RELN: variants seen among roughly 807,000 people sequenced by gnomAD.
RELN encodes the protein reelin.
RELN carries 108 observed loss-of-function variants against 427.6 expected under a neutral mutation model. That is an observed-to-expected ratio of 0.25 (90% CI 0.22 to 0.30). RELN has a LOEUF of 0.30. Ranked by LOEUF, RELN falls within the 10% of genes least tolerant of loss-of-function variation. RELN has a pLI of 1.00. For missense variants in RELN, 3,715 were observed against 4,302.8 expected (o/e 0.86, Z 3.82); for synonymous variants, 1,524 against 1,513.4 (o/e 1.01, Z -0.16).
chr7:103,938,283 G>A (rs775595461), intron 1 of RELN, among the ~76,000 whole-genome samples: 1 of 151,754 alleles, frequency 6.6e-6, no homozygotes, highest in Non-Finnish European at 1.5e-5. Context: ...TTGCGCCATT[G>A]CACTCCATCT....
intron 28 of RELN, among the ~76,000 whole-genome samples, chr7:103,580,276 C>T (rs1831100368): frequency 6.6e-6 from 1 of 152,212 alleles, no homozygotes; most frequent in Non-Finnish European, 1.5e-5. Flanking sequence ...AACAACAGCT[C>T]ATTTACTTGG....
chr7:103,638,067 TA>T (rs1321180511), intron 17 of RELN, among the ~76,000 whole-genome samples: 2 of 140,414 alleles, frequency 1.4e-5, no homozygotes, highest in African/African-American at 5.7e-5. Context: ...TTTTTAAAAA[TA>T]TTTTTTAAAA....
intron 4 of RELN, among the ~76,000 whole-genome samples, chr7:103,773,111 T>C (rs1235662837): frequency 4.4e-4 from 23 of 52,856 alleles, no homozygotes; most frequent in African/African-American, 1.3e-3. Context: ...TTTCTTTCTT[T>C]CTTTCTTTCT....
At chr7:103,586,667 G>A (rs1294262916) in intron 28 of RELN, among the ~76,000 whole-genome samples, 1 of 152,128 alleles carries the variant, frequency 6.6e-6, no homozygotes, top group African/African-American at 2.4e-5. Context: ...TCCTAGACTT[G>A]AAAAATGACT....
intron 11 of RELN, among the ~76,000 whole-genome samples, chr7:103,677,172 A>G (rs1447701233): frequency 6.6e-6 from 1 of 151,846 alleles, no homozygotes; most frequent in Non-Finnish European, 1.5e-5. Flanking sequence ...TCAGAAAACC[A>G]AACAGTGCAT....
chr7:103,670,070 A>AT (rs1833357086), intron 11 of RELN, among the ~76,000 whole-genome samples: 1 of 152,134 alleles, frequency 6.6e-6, no homozygotes, highest in Non-Finnish European at 1.5e-5. Context: ...AAAGAGTAAT[A>AT]TTTTTGTAAG....
Position 103,830,117 on chromosome 7 carries a change from C to T in RELN, c.473+3420G>A, listed in dbSNP as rs371290037. ...ATGCCATCAAATGTAAAATACAACCCTACTTCAGAGATGCCAAAAATGTAA... is the reference window on the plus strand; with the variant it reads ...ATGCCATCAAATGTAAAATACAACCTTACTTCAGAGATGCCAAAAATGTAA... On this transcript the variant is annotated intron_variant, in intron 3 of 64. Transcript: ENST00000428762. 6.0e-4 allele frequency among the ~76,000 whole-genome samples: 71 copies of T among 118,666 alleles called. 3 individuals carry two copies. Among genetic ancestry groups the T allele is most frequent in the African/African-American group, 1.7e-3 (65 of 39,308 alleles). 77.8% of individuals were successfully genotyped at this position (118,666 alleles called of 152,430 possible).
At chr7:103,607,441 C>G (rs1751393299) in intron 22 of RELN, among the ~76,000 whole-genome samples, 1 of 152,156 alleles carries the variant, frequency 6.6e-6, no homozygotes, top group Admixed American at 6.6e-5. Context: ...CTGTGTCTCT[C>G]CCTCAATACA....
intron 2 of RELN, among the ~76,000 whole-genome samples, chr7:103,906,770 C>T (rs1294757023): frequency 6.6e-6 from 1 of 152,236 alleles, no homozygotes. Flanking sequence ...GATACAGTGG[C>T]CTATCTCTCC....
chr7:103,670,742 C>A (rs1291231988), intron 11 of RELN, among the ~76,000 whole-genome samples: 3 of 151,800 alleles, frequency 2.0e-5, no homozygotes, highest in Admixed American at 2.0e-4. Flanking sequence ...TAAATTATCT[C>A]ATTATAGGTT....
chr7:103,712,205 C>G (rs1427468500), intron 8 of RELN, among the ~76,000 whole-genome samples: 1 of 152,122 alleles, frequency 6.6e-6, no homozygotes, highest in Non-Finnish European at 1.5e-5. Flanking sequence ...TTAAGTATAT[C>G]AAAATTCTGC....
chr7:103,939,216 T>C (rs1311799075), intron 1 of RELN, among the ~76,000 whole-genome samples: 2 of 152,326 alleles, frequency 1.3e-5, no homozygotes, highest in East Asian at 3.9e-4. Context: ...CCCAAAGTGC[T>C]GGGATTACAG....
At chr7:103,475,399 G>A (rs914516155) in intron 64 of RELN, among the ~76,000 whole-genome samples, 1 of 152,048 alleles carries the variant, frequency 6.6e-6, no homozygotes, top group East Asian at 1.9e-4. Flanking sequence ...GTCAAGGCAT[G>A]TTTGTTGAAC....
intron 2 of RELN, among the ~76,000 whole-genome samples, chr7:103,841,691 T>C (rs1325684073): frequency 6.6e-6 from 1 of 152,160 alleles, no homozygotes; most frequent in African/African-American, 2.4e-5. Context: ...CTAGAAGTTC[T>C]ATGATCCCCC....
At chr7:103,661,562 A>C (rs2117413419) in intron 11 of RELN, 35 bp from the exon 12 acceptor site, 1 of 1,591,396 alleles carries the variant, frequency 6.3e-7, no homozygotes, top group Non-Finnish European at 8.6e-7. Flanking sequence ...TTAGAGTTAG[A>C]ATATTAAGCC....
At chr7:103,780,448 C>T (rs1016923133) in intron 3 of RELN, among the ~76,000 whole-genome samples, 2 of 152,148 alleles carry the variant, frequency 1.3e-5, no homozygotes, top group African/African-American at 4.8e-5. Flanking sequence ...GTTTGTTACA[C>T]AGGTAAACTT....
chr7:103,612,990 C>A (rs2117294562), intron 20 of RELN, among the ~76,000 whole-genome samples: 1 of 152,260 alleles, frequency 6.6e-6, no homozygotes, highest in South Asian at 2.1e-4. Context: ...AGCAGTCTTG[C>A]AAATCCATTA....
At chr7:103,718,791 CTATT>C (rs1209924436) in intron 8 of RELN, among the ~76,000 whole-genome samples, 1 of 152,174 alleles carries the variant, frequency 6.6e-6, no homozygotes, top group Non-Finnish European at 1.5e-5. Context: ...GCAAGCCAAA[CTATT>C]TATTCTTCAT....
At chr7:103,856,140 A>G (rs926547312) in intron 2 of RELN, among the ~76,000 whole-genome samples, 1 of 152,192 alleles carries the variant, frequency 6.6e-6, no homozygotes, top group African/African-American at 2.4e-5. Context: ...TCAAATAAGG[A>G]TAACTCATTT....
Sources: allele counts gnomAD v4.1 joint callset (sites outside exome capture counted in the v4.1 genomes callset), GRCh38; gene constraint gnomAD v4.1.1; transcripts MANE v1.5; gene names NCBI Gene and HGNC (gene_info 2026-07-23, HGNC 2026-07-21).